TENM2: variants seen among roughly 807,000 people sequenced by gnomAD.
TENM2 encodes the protein teneurin transmembrane protein 2.
TENM2 carries 52 observed loss-of-function variants against 245.2 expected under a neutral mutation model. The observed-to-expected ratio is 0.21, with a 90% CI of 0.17 to 0.27. The LOEUF (loss-of-function observed/expected upper bound fraction) is 0.27. Among genes scored for constraint, TENM2 ranks in the 10% least tolerant of loss-of-function variants. The pLI, the probability that TENM2 is intolerant of heterozygous loss-of-function variation, is 1.00. For missense variants in TENM2, 3,046 were observed against 3,666.8 expected (o/e 0.83, Z 4.37); for synonymous variants, 1,363 against 1,438.9 (o/e 0.95, Z 1.19).
At chr5:167,831,899 G>A (rs1403431711) in intron 2 of TENM2, among the ~76,000 whole-genome samples, 6 of 151,882 alleles carry the variant, frequency 4.0e-5, no homozygotes, top group South Asian at 2.1e-4. Flanking sequence ...ACATGCAGCC[G>A]TGCAGTTATT....
intron 1 of TENM2, among the ~76,000 whole-genome samples, chr5:167,326,740 C>T (rs1463663461): frequency 6.7e-6 from 1 of 148,496 alleles, no homozygotes; most frequent in Non-Finnish European, 1.5e-5. Flanking sequence ...AGTCAAGCCT[C>T]CTAAGTCATG....
At chr5:167,872,743 T>A (rs1209333229) in intron 2 of TENM2, among the ~76,000 whole-genome samples, 1 of 152,232 alleles carries the variant, frequency 6.6e-6, no homozygotes, top group African/African-American at 2.4e-5. Flanking sequence ...CTCAATACAC[T>A]GTAGTAACCC....
the TENM2 span, among the ~76,000 whole-genome samples, chr5:167,105,412 G>C: frequency 6.6e-5 from 10 of 152,248 alleles, no homozygotes; most frequent in East Asian, 1.9e-3. Context: ...TTGTCCCAAG[G>C]CTCCTGAGGA....
chr5:166,983,571 G>T, the TENM2 span, among the ~76,000 whole-genome samples: 1 of 152,222 alleles, frequency 6.6e-6, no homozygotes, highest in South Asian at 2.1e-4. Flanking sequence ...TGTTAGAATA[G>T]AATCTATATT....
intron 6 of TENM2, among the ~76,000 whole-genome samples, chr5:168,054,664 T>C (rs1789388731): frequency 6.6e-6 from 1 of 152,218 alleles, no homozygotes; most frequent in Non-Finnish European, 1.5e-5. Flanking sequence ...TATGGCAACA[T>C]TTTCTGAAAT....
At chr5:168,243,953 T>TC (rs1766326623) in intron 25 of TENM2, among the ~76,000 whole-genome samples, 2 of 149,516 alleles carry the variant, frequency 1.3e-5, no homozygotes, top group Non-Finnish European at 3.0e-5. Context: ...TTTTTTTTTT[T>TC]TTTTAAGATA....
chr5:167,762,861 T>C (rs1208161875), intron 2 of TENM2, among the ~76,000 whole-genome samples: 1 of 152,218 alleles, frequency 6.6e-6, no homozygotes, highest in Non-Finnish European at 1.5e-5. Context: ...CTCTACATCT[T>C]CCGCTCCAAA....
chr5:167,878,866 T>C (rs898782930), intron 3 of TENM2, among the ~76,000 whole-genome samples: 12 of 152,142 alleles, frequency 7.9e-5, no homozygotes, highest in African/African-American at 2.9e-4. Flanking sequence ...ACAGAATTTT[T>C]TAAATTTGTC....
intron 3 of TENM2, among the ~76,000 whole-genome samples, chr5:167,889,870 T>G (rs556376615): frequency 1.3e-5 from 2 of 152,034 alleles, no homozygotes; most frequent in Non-Finnish European, 2.9e-5. Context: ...ATGGAGGATC[T>G]GTTGTGAAAA....
intron 9 of TENM2, among the ~76,000 whole-genome samples, chr5:168,116,314 T>G (rs1795080247): frequency 6.6e-6 from 1 of 152,190 alleles, no homozygotes; most frequent in African/African-American, 2.4e-5. Context: ...AGAATTCTAC[T>G]GAAAATAGCG....
chr5:167,115,172 A>T, the TENM2 span, among the ~76,000 whole-genome samples: 1 of 152,170 alleles, frequency 6.6e-6, no homozygotes, highest in Admixed American at 6.5e-5. Context: ...TAAAGGAAAG[A>T]TCACAGGAAG....
the TENM2 span, among the ~76,000 whole-genome samples, chr5:167,012,448 A>G: frequency 0.38 from 57,695 of 152,092 alleles, 11,406 homozygotes; most frequent in Non-Finnish European, 0.45. Context: ...AATAGTAACT[A>G]GGCTACAAGA....
chr5:167,122,461 G>A, the TENM2 span, among the ~76,000 whole-genome samples: 8 of 151,908 alleles, frequency 5.3e-5, no homozygotes, highest in African/African-American at 1.5e-4. Flanking sequence ...CACCCTCCCC[G>A]GGCTGACTTA....
the TENM2 span, among the ~76,000 whole-genome samples, chr5:167,193,567 C>T: frequency 1.3e-5 from 2 of 151,918 alleles, no homozygotes; most frequent in African/African-American, 4.8e-5. Context: ...ATAAAAATTC[C>T]TTTAACCCTA....
At chr5:167,421,821 C>T (rs1398046340) in intron 2 of TENM2, among the ~76,000 whole-genome samples, 2 of 152,068 alleles carry the variant, frequency 1.3e-5, no homozygotes, top group Non-Finnish European at 2.9e-5. Flanking sequence ...GAGATGGAGT[C>T]TCCCTCTGTC....
chr5:167,571,381 G>A (rs191087641), intron 2 of TENM2, among the ~76,000 whole-genome samples: 10 of 152,226 alleles, frequency 6.6e-5, no homozygotes, highest in Non-Finnish European at 1.2e-4. Flanking sequence ...CTTAACTACT[G>A]TATCATACGC....
chr5:167,225,488 C>T, the TENM2 span, among the ~76,000 whole-genome samples: 2 of 151,988 alleles, frequency 1.3e-5, no homozygotes, highest in East Asian at 1.9e-4. Flanking sequence ...ATATGTTAGA[C>T]CATCCTTGAA....
intron 2 of TENM2, among the ~76,000 whole-genome samples, chr5:167,874,445 T>A (rs141158945): frequency 4.7e-4 from 71 of 152,312 alleles, no homozygotes; most frequent in Admixed American, 3.7e-3. Context: ...TCTGCTGATG[T>A]CTCTACATCA....
chr5:167,391,848 T>C (rs1167209777), intron 2 of TENM2, among the ~76,000 whole-genome samples: 1 of 152,000 alleles, frequency 6.6e-6, no homozygotes, highest in Non-Finnish European at 1.5e-5. Context: ...AGATGTCAAT[T>C]TGAGAATCAG....
Sources: allele counts gnomAD v4.1 joint callset (sites outside exome capture counted in the v4.1 genomes callset), GRCh38; gene constraint gnomAD v4.1.1; transcripts MANE v1.5; gene names NCBI Gene and HGNC (gene_info 2026-07-23, HGNC 2026-07-21).